Variants in STK33 observed in about 807,000 individuals in gnomAD.
STK33 encodes serine/threonine kinase 33.
In STK33, 52 loss-of-function variants were observed where a neutral mutation model predicts 58.0. The ratio of observed to expected loss-of-function variants is 0.90; its 90% CI spans 0.72 to 1.13. The LOEUF is 1.13. STK33 is among the 50% of genes most tolerant of loss of function. The probability of loss-of-function intolerance (pLI) is 0.00; values close to 1 mark genes in which losing one functional copy is unlikely to be tolerated. For missense variants in STK33, 630 were observed against 604.2 expected (o/e 1.04, Z -0.45); for synonymous variants, 215 against 200.1 (o/e 1.07, Z -0.63).
intron 1 of STK33, among the ~76,000 whole-genome samples, chr11:8,527,128 CAT>C (rs147653240): frequency 3.3e-5 from 5 of 150,058 alleles, no homozygotes; most frequent in Non-Finnish European, 3.0e-5. Context: ...GCCCAGCTAA[CAT>C]ATATATATAT....
intron 14 of STK33, among the ~76,000 whole-genome samples, chr11:8,420,211 C>CA (rs1194705836): frequency 2.0e-5 from 3 of 151,948 alleles, no homozygotes; most frequent in Non-Finnish European, 4.4e-5. Flanking sequence ...TGAAAGCACC[C>CA]AAAAAATCAC....
At chr11:8,492,023 G>A (rs1219285582) in intron 1 of STK33, among the ~76,000 whole-genome samples, 1 of 152,186 alleles carries the variant, frequency 6.6e-6, no homozygotes, top group Non-Finnish European at 1.5e-5. Flanking sequence ...ATGCTAGGAA[G>A]AAACTGCATC....
chr11:8,514,100 T>C (rs1168116140), intron 1 of STK33, among the ~76,000 whole-genome samples: 1 of 152,176 alleles, frequency 6.6e-6, no homozygotes, highest in African/African-American at 2.4e-5. Flanking sequence ...TTATTTCACT[T>C]AACATAATGA....
chr11:8,418,443 G>A (rs1941442386), intron 14 of STK33, among the ~76,000 whole-genome samples: 1 of 152,122 alleles, frequency 6.6e-6, no homozygotes, highest in East Asian at 1.9e-4. Context: ...TGGCTGCATA[G>A]AATTCCATGG....
At chr11:8,345,946 C>T in the STK33 span, among the ~76,000 whole-genome samples, 1 of 152,174 alleles carries the variant, frequency 6.6e-6, no homozygotes, top group Non-Finnish European at 1.5e-5. Flanking sequence ...CAACCGTGCA[C>T]TAGGTGGTTG....
rs148302559 is a variant in STK33, at chr11:8,452,533, A to G, written c.871+289T>C. Among the ~76,000 whole-genome samples the G allele has an allele frequency of 2.1e-3, 319 of 152,270 alleles. 1 individual carries two copies. Among genetic ancestry groups the G allele is most frequent in the African/African-American group, 7.3e-3 (304 of 41,570 alleles). ...GCAGTGTCTCAAGCCTGTAATCCCA[A>G]CACTTGGGAAAGGAGAGGCTGGAGG... On this transcript the variant is annotated intron_variant, in intron 11 of 15. Transcript: ENST00000687296.
Position 8,457,448 on chromosome 11 carries a change from T to C in STK33, c.590A>G (p.Asp197Gly), listed in dbSNP as rs1947003685. The C allele has an allele frequency of 3.1e-6, 5 of 1,603,618 alleles. No individual in the cohort carries two copies. The highest frequency in any genetic ancestry group is 4.3e-6 in the Non-Finnish European group (5 of 1,172,850). ...KMYLVMELCE[D>G]GELKEILDRK... ...ATCCAGAATTTCTTTGAGTTCTCCA[T>C]CCTCACAAAGCTCCATCACAAGGTA... The change falls in exon 9 of 16, where the codon GAT becomes GGT. Residue 197 changes from aspartate to glycine, a missense_variant. Coordinates refer to ENST00000687296, the MANE Select transcript of STK33 (RefSeq NM_001352389.2).
At chr11:8,429,819 C>A (rs760581705) in intron 14 of STK33, among the ~76,000 whole-genome samples, 14 of 152,170 alleles carry the variant, frequency 9.2e-5, no homozygotes, top group African/African-American at 4.8e-5. Context: ...CGTTAAGACC[C>A]TGCTTCCACC....
rs199909997 is a variant in STK33, at chr11:8,462,436, CATATAT to C, written c.454-533_454-528del. ...ACACACACATATATATACATATATA[CATATAT>C]ACACACACACACACACACACACACA... On this transcript the variant is annotated intron_variant, in intron 7 of 15. Coordinates refer to ENST00000687296, the MANE Select transcript of STK33 (RefSeq NM_001352389.2). 3.2e-5 allele frequency among the ~76,000 whole-genome samples: 4 copies of C among 123,560 alleles called. No homozygotes were observed. In the South Asian group the frequency reaches 7.4e-4, roughly 23 times the overall value. 81.1% of individuals were successfully genotyped at this position (123,560 alleles called of 152,430 possible). A position where few individuals can be genotyped will look rare whatever the true frequency, so the allele number is the denominator to read the frequency against.
At position 8,473,203 on chromosome 11, in the gene STK33, T is replaced by G; in HGVS notation, c.299A>C (p.Lys100Thr). Residue 100 changes from lysine (K) to threonine (T), a missense_variant, in exon 6 of 16, where the codon AAA becomes ACA. By Grantham distance (78) the Lys-to-Thr change is moderately conservative. Coordinates refer to ENST00000687296, the MANE Select transcript of STK33 (RefSeq NM_001352389.2). ...QWGRGNFTEG[K>T]VPHIRIENGA... ...ATTCTCAATCCTTATGTGAGGAACTTTTCCTTCTGTAAAGTTGCCCCGACC... is the reference window on the plus strand; with the variant it reads ...ATTCTCAATCCTTATGTGAGGAACTGTTCCTTCTGTAAAGTTGCCCCGACC... 4 of 1,613,712 alleles carry G rather than the reference T, an allele frequency of 2.5e-6. No homozygotes were observed. The highest frequency in any genetic ancestry group is 3.4e-6 in the Non-Finnish European group (4 of 1,179,812).
chr11:8,437,399 C>T (rs955212749), intron 12 of STK33, among the ~76,000 whole-genome samples: 5 of 152,178 alleles, frequency 3.3e-5, no homozygotes, highest in African/African-American at 1.2e-4. Context: ...CTGTCAACTC[C>T]AACATCTGAG....
At chr11:8,398,242 A>T (rs1398774491) in intron 15 of STK33, among the ~76,000 whole-genome samples, 1 of 152,278 alleles carries the variant, frequency 6.6e-6, no homozygotes, top group Non-Finnish European at 1.5e-5. Context: ...GGTGAAGCCC[A>T]TCAGACTAAC....
chr11:8,506,523 ATC>A (rs1565217325), intron 1 of STK33, among the ~76,000 whole-genome samples: 1 of 152,116 alleles, frequency 6.6e-6, no homozygotes, highest in Non-Finnish European at 1.5e-5. Context: ...TTAGGAGAGA[ATC>A]TGTTTCCATG....
intron 7 of STK33, among the ~76,000 whole-genome samples, chr11:8,464,404 A>AT (rs1947921052): frequency 6.6e-6 from 1 of 152,212 alleles, no homozygotes; most frequent in Non-Finnish European, 1.5e-5. Flanking sequence ...CCACAGCCCT[A>AT]TGCCTACAGA....
chr11:8,502,605 T>C (rs562845325), intron 1 of STK33, among the ~76,000 whole-genome samples: 3 of 152,116 alleles, frequency 2.0e-5, no homozygotes, highest in Non-Finnish European at 2.9e-5. Context: ...CAAAAGCAAC[T>C]GCAACAAAAA....
chr11:8,420,628 C>T lies in STK33; in HGVS notation c.1147-6936G>A, dbSNP rs554759950. ...TGCCTTCTATCACCTGAGGTGACTG[C>T]TATCCAGAATCTTGTGATTAACATT... On this transcript the variant is annotated intron_variant, in intron 14 of 15. Coordinates refer to ENST00000687296, the MANE Select transcript of STK33 (RefSeq NM_001352389.2). 1.7e-4 allele frequency among the ~76,000 whole-genome samples: 26 copies of T among 152,276 alleles called. 1 individual carries two copies. In the South Asian group the frequency reaches 3.7e-3, roughly 22 times the overall value.
chr11:8,390,048 CTTCT>C (rs1194732285), downstream of STK33, among the ~76,000 whole-genome samples: 1 of 152,180 alleles, frequency 6.6e-6, no homozygotes, highest in Non-Finnish European at 1.5e-5. Flanking sequence ...GTCATCCTGT[CTTCT>C]TTATTAATTA....
At chr11:8,437,051 C>T (rs908479595) in intron 12 of STK33, among the ~76,000 whole-genome samples, 6 of 152,128 alleles carry the variant, frequency 3.9e-5, no homozygotes, top group Admixed American at 6.6e-5. Flanking sequence ...GCCATTAAAA[C>T]GGACACAACT....
intron 1 of STK33, among the ~76,000 whole-genome samples, chr11:8,506,731 G>T (rs1951889700): frequency 6.6e-6 from 1 of 152,106 alleles, no homozygotes; most frequent in African/African-American, 2.4e-5. Flanking sequence ...GACACCTTTG[G>T]GGGGCCGTTA....
Sources: gnomAD v4.1 joint callset for allele counts (sites outside exome capture counted in the v4.1 genomes callset) on GRCh38, gnomAD v4.1.1 for gene constraint, MANE v1.5 for transcripts, NCBI Gene and HGNC (gene_info 2026-07-23, HGNC 2026-07-21) for gene names.